The following MTSS2 variants were observed in gnomAD, a reference collection of about 807,000 sequenced individuals.
MTSS2 encodes the protein MTSS I-BAR domain containing 2.
A neutral mutation model predicts 67.1 loss-of-function variants in MTSS2; 27 were observed. The observed-to-expected ratio is 0.40, with a 90% CI of 0.30 to 0.55. MTSS2 has a LOEUF of 0.55. MTSS2 is among the 20% of genes least tolerant of loss of function. The probability of loss-of-function intolerance (pLI) is 0.43; values close to 1 mark genes in which losing one functional copy is unlikely to be tolerated. For synonymous variants in MTSS2, 624 were observed against 468.6 expected (o/e 1.33, Z -4.28); for missense variants, 1,171 against 1,067.8 (o/e 1.10, Z -1.35).
intron 1 of MTSS2, among the ~76,000 whole-genome samples, chr16:70,682,666 A>G (rs1346022850): frequency 7.6e-6 from 1 of 131,576 alleles, no homozygotes; most frequent in Non-Finnish European, 1.6e-5. Flanking sequence ...TCCCCACGGT[A>G]ACCACATAAA....
chr16:70,671,530 G>C (rs918693322), intron 11 of MTSS2, among the ~76,000 whole-genome samples: 1 of 152,104 alleles, frequency 6.6e-6, no homozygotes, highest in African/African-American at 2.4e-5. Flanking sequence ...GGGGAGAAGG[G>C]ACAGATCTTT....
chr16:70,663,944 C>T lies in MTSS2; in HGVS notation c.1977G>A (p.Gly659=), dbSNP rs1361777329. 7 of 1,558,972 alleles carry T rather than the reference C, an allele frequency of 4.5e-6. No individual in the cohort carries two copies. Among genetic ancestry groups the T allele is most frequent in the Middle Eastern group, 1.7e-4 (1 of 5,960 alleles). ...CCAGCTGCTGCTGCTCGTCCTCGGC[C>T]CCTGCCCCGGGGTACCCGGCTGCCT... is the stretch of plus-strand genomic sequence containing the variant. The part of the protein sequence containing the change: ...SPEAAGYPGA[G]AEDEQQQLAA... Residue 659 remains glycine (G), a synonymous_variant, in exon 15 of 15, where the codon GGG becomes GGA. Transcript: ENST00000338779.
intron 11 of MTSS2, 49 bp downstream of exon 11, chr16:70,674,257 A>G (rs1206741942): frequency 6.4e-7 from 1 of 1,567,314 alleles, no homozygotes; most frequent in Non-Finnish European, 8.7e-7. Context: ...TGATGCTGGC[A>G]TAAGGCTGCT....
Position 70,665,523 on chromosome 16 carries a change from T to C in MTSS2, c.1071A>G (p.Ala357=). 6.5e-7 allele frequency: 1 copy of C among 1,548,266 alleles called. No homozygotes were observed. The highest frequency in any genetic ancestry group is 8.7e-7 in the Non-Finnish European group (1 of 1,147,286). ...GGCAGGTTTCCGAGGCCTCGGAAGA[T>C]GCAGAGCTGGAGGACTTCTGCCATG... is the stretch of plus-strand genomic sequence containing the variant. ...DITSQKSSSS[A]SSEASETCQS... Residue 357 remains alanine (A), a synonymous_variant, in exon 12 of 15, where the codon GCA becomes GCG. Transcript: ENST00000338779.
intron 14 of MTSS2, 55 bp from the exon 15 acceptor site, chr16:70,664,504 CCCACCAGG>C: frequency 3.2e-6 from 5 of 1,551,008 alleles, no homozygotes; most frequent in Non-Finnish European, 4.4e-6. Context: ...TTGCCCCCAG[CCCACCAGG>C]GTGAGCACAG....
chr16:70,667,472 AAAAC>A (rs2052759421), intron 11 of MTSS2, among the ~76,000 whole-genome samples: 1 of 152,150 alleles, frequency 6.6e-6, no homozygotes, highest in African/African-American at 2.4e-5. Context: ...ACAAAACAAA[AAAAC>A]AAAACCACCC....
At chr16:70,683,174 G>A (rs900181861) in intron 1 of MTSS2, among the ~76,000 whole-genome samples, 2 of 152,228 alleles carry the variant, frequency 1.3e-5, no homozygotes, top group Non-Finnish European at 2.9e-5. Flanking sequence ...GTTCAGATGT[G>A]GAGTGTGGGT....
chr16:70,661,277 T>G lies in MTSS2; in HGVS notation c.*2400A>C, dbSNP rs1237924789. On this transcript the variant is annotated 3_prime_UTR_variant, in exon 15 of 15. Transcript: ENST00000338779. ...CTGTTACTTGTAGCAGTGACTATAT[T>G]TAAATCGGGGAGGATGGTGTGGAGG... The G allele has an allele frequency of 2.2e-6, 1 of 455,082 alleles. No homozygotes were observed. Among genetic ancestry groups the G allele is most frequent in the Non-Finnish European group, 4.4e-6 (1 of 226,632 alleles). 28.2% of individuals were successfully genotyped at this position (455,082 alleles called of 1,614,324 possible). A position where few individuals can be genotyped will look rare whatever the true frequency, so the allele number is the denominator to read the frequency against.
intron 11 of MTSS2, among the ~76,000 whole-genome samples, chr16:70,669,952 G>C (rs2052869632): frequency 6.6e-6 from 1 of 151,936 alleles, no homozygotes; most frequent in Admixed American, 6.6e-5. Context: ...CCAAGCGCTG[G>C]TGAGGATGTG....
At chr16:70,677,334 G>A (rs1291947413) in intron 9 of MTSS2, among the ~76,000 whole-genome samples, 1 of 152,188 alleles carries the variant, frequency 6.6e-6, no homozygotes, top group Non-Finnish European at 1.5e-5. Context: ...CAGATGCTGG[G>A]CATGCAACAA....
rs1018046577 is a variant in MTSS2 at position 70,685,840 on chromosome 16, G to A, written c.-49C>T. ...CGGCGGCTAGGCGCACGGAGCGCGGGGAGCAGCGCAAGGGAGGGGGCCAGG... is the reference window on the plus strand; with the variant it reads ...CGGCGGCTAGGCGCACGGAGCGCGGAGAGCAGCGCAAGGGAGGGGGCCAGG... On this transcript the variant is annotated 5_prime_UTR_variant, in exon 1 of 15. Coordinates refer to ENST00000338779, the MANE Select transcript of MTSS2 (RefSeq NM_138383.3). The A allele has an allele frequency of 6.9e-6, 8 of 1,167,536 alleles. No individual in the cohort carries two copies. In the African/African-American group the frequency reaches 8.2e-5, roughly 12 times the overall value. The allele number at this position is 1,167,536 out of a possible 1,614,324, so 72.3% of individuals were successfully genotyped here.
At chr16:70,679,351 G>A (rs375214463) in intron 6 of MTSS2, 28 bp from the exon 7 acceptor site, 5 of 1,613,426 alleles carry the variant, frequency 3.1e-6, no homozygotes, top group East Asian at 2.2e-5. Flanking sequence ...GAGGAGAGGA[G>A]GAGAGACAGA....
rs745862900 is a variant in MTSS2 at position 70,674,448 on chromosome 16, G to A, written c.911C>T (p.Thr304Ile). 1.2e-6 allele frequency: 2 copies of A among 1,614,198 alleles called. No homozygotes were observed. The highest frequency in any genetic ancestry group is 8.5e-7 in the Non-Finnish European group (1 of 1,180,044). Reference sequence around the variant, plus strand: ...CTGCGCCAGGCTGCGGTAGCGACAGGTGGAACTGGGTGAGTATGTTTGGGC... The same window carrying A: ...CTGCGCCAGGCTGCGGTAGCGACAGATGGAACTGGGTGAGTATGTTTGGGC... ...GGAQTYSPSS[T>I]CRYRSLAQPA... Residue 304 changes from threonine to isoleucine, a missense_variant, in exon 11 of 15, where the codon ACC (threonine) becomes ATC (isoleucine). Thr to Ile is a moderately conservative substitution (Grantham distance 89, BLOSUM62 -1). Around this residue, in one of 2 missense-constraint regions of MTSS2, gnomAD observed 924 missense variants for 756.0 expected, o/e 1.22. Coordinates refer to ENST00000338779, the MANE Select transcript of MTSS2 (RefSeq NM_138383.3).
At chr16:70,672,148 G>A (rs776642758) in intron 11 of MTSS2, among the ~76,000 whole-genome samples, 6 of 152,088 alleles carry the variant, frequency 3.9e-5, no homozygotes, top group Non-Finnish European at 8.8e-5. Context: ...AGGAATTCGA[G>A]ACCAGCCTGA....
chr16:70,685,580 C>T lies in MTSS2; in HGVS notation c.69+143G>A, dbSNP rs913241246. The stretch of plus-strand genomic sequence containing the variant: ...GGCACCCGGAGACACGGGCGCCCAG[C>T]AGACGCAGGCAGGACGCGCTCAGAC... On this transcript the variant is annotated intron_variant, in intron 1 of 14. Coordinates refer to ENST00000338779, the MANE Select transcript of MTSS2 (RefSeq NM_138383.3). The T allele has an allele frequency of 6.7e-5, 24 of 356,760 alleles. No individual in the cohort carries two copies. The South Asian group carries it at 1.8e-3, about 26-fold the overall frequency. 22.1% of individuals were successfully genotyped at this position (356,760 alleles called of 1,614,324 possible).
chr16:70,678,041 G>C (rs1167713619), intron 8 of MTSS2, 142 bp from the exon 9 acceptor site: 1 of 964,370 alleles, frequency 1.0e-6, no homozygotes. Flanking sequence ...GGCTGGTGCA[G>C]GTGGGGCCCA....
At chr16:70,666,584 A>T (rs1337176479) in intron 11 of MTSS2, among the ~76,000 whole-genome samples, 1 of 152,186 alleles carries the variant, frequency 6.6e-6, no homozygotes, top group Non-Finnish European at 1.5e-5. Context: ...AGCTCTCTGA[A>T]TCATTCTGGA....
intron 11 of MTSS2, among the ~76,000 whole-genome samples, chr16:70,671,155 C>G (rs1429834243): frequency 6.6e-6 from 1 of 151,840 alleles, no homozygotes; most frequent in African/African-American, 2.4e-5. Context: ...GCAGGTCATG[C>G]CTGTAATCCC....
chr16:70,678,675 C>G (rs1048437675), intron 7 of MTSS2, among the ~76,000 whole-genome samples: 1 of 152,232 alleles, frequency 6.6e-6, no homozygotes, highest in African/African-American at 2.4e-5. Flanking sequence ...GGGGGAGGCT[C>G]TTGGCGCCCA....
Sources: gnomAD v4.1 joint callset for allele counts (sites outside exome capture counted in the v4.1 genomes callset) on GRCh38, gnomAD v4.1.1 for gene constraint, gnomAD v4.1.1 regional missense constraint, MANE v1.5 for transcripts, NCBI Gene and HGNC (gene_info 2026-07-23, HGNC 2026-07-21) for gene names.